CBFA2T2: variants seen among roughly 807,000 people sequenced by gnomAD.
CBFA2T2 encodes the protein protein CBFA2T2.
Under a neutral mutation model 62.2 loss-of-function variants are expected in CBFA2T2, and 11 were observed. That is an observed-to-expected ratio of 0.18 (90% CI 0.11 to 0.29). The LOEUF is 0.29. CBFA2T2 is among the 10% of genes least tolerant of loss of function. The probability of loss-of-function intolerance (pLI) is 1.00; values close to 1 mark genes in which losing one functional copy is unlikely to be tolerated. For synonymous variants in CBFA2T2, 295 were observed against 287.5 expected (o/e 1.03, Z -0.27); for missense variants, 592 against 774.1 (o/e 0.76, Z 2.79).
chr20:33,637,795 G>A (rs1034124042), intron 9 of CBFA2T2, among the ~76,000 whole-genome samples: 1 of 151,446 alleles, frequency 6.6e-6, no homozygotes, highest in Non-Finnish European at 1.5e-5. Context: ...AGCCTCCCAA[G>A]TAGCTGGGAT....
At chr20:33,505,815 G>A (rs1327853681) in intron 1 of CBFA2T2, among the ~76,000 whole-genome samples, 30 of 152,040 alleles carry the variant, frequency 2.0e-4, no homozygotes, top group Admixed American at 1.9e-3. Context: ...AAGGGGTCAG[G>A]TGTGGTGGCT....
At chr20:33,603,436 C>T (rs1280502405) in intron 1 of CBFA2T2, among the ~76,000 whole-genome samples, 3 of 152,194 alleles carry the variant, frequency 2.0e-5, no homozygotes, top group Non-Finnish European at 4.4e-5. Context: ...TTTGGAAATG[C>T]ATGCTGTCAT....
intron 4 of CBFA2T2, among the ~76,000 whole-genome samples, chr20:33,621,359 C>T (rs1273787291): frequency 4.6e-5 from 6 of 130,998 alleles, no homozygotes; most frequent in African/African-American, 1.8e-4. Flanking sequence ...AGTGCAGTGG[C>T]GCGATCTCGG....
intron 8 of CBFA2T2, among the ~76,000 whole-genome samples, chr20:33,630,138 G>C (rs1038161323): frequency 5.9e-5 from 9 of 152,132 alleles, no homozygotes; most frequent in African/African-American, 1.9e-4. Flanking sequence ...TGGATAGACA[G>C]GATCTCACTG....
chr20:33,511,427 T>G (rs1183881234), intron 1 of CBFA2T2, among the ~76,000 whole-genome samples: 1 of 152,194 alleles, frequency 6.6e-6, no homozygotes, highest in Non-Finnish European at 1.5e-5. Context: ...GTCGGGTTTG[T>G]CAAAGATCAG....
At chr20:33,635,850 C>G (rs1413546144) in intron 8 of CBFA2T2, among the ~76,000 whole-genome samples, 1 of 152,046 alleles carries the variant, frequency 6.6e-6, no homozygotes, top group Non-Finnish European at 1.5e-5. Context: ...TCACTGCACT[C>G]TAGCCTGGGT....
intron 1 of CBFA2T2, among the ~76,000 whole-genome samples, chr20:33,532,563 A>T (rs2012092959): frequency 6.6e-6 from 1 of 152,250 alleles, no homozygotes; most frequent in Non-Finnish European, 1.5e-5. Context: ...ATTTTCTGCT[A>T]AACTGTGTGT....
At chr20:33,552,429 G>A (rs914632513) in intron 1 of CBFA2T2, among the ~76,000 whole-genome samples, 27 of 152,264 alleles carry the variant, frequency 1.8e-4, no homozygotes, top group Non-Finnish European at 3.1e-4. Flanking sequence ...CTTAGTAATT[G>A]AATCAGTGAA....
intron 1 of CBFA2T2, among the ~76,000 whole-genome samples, chr20:33,536,449 G>A (rs1416017453): frequency 4.1e-5 from 6 of 146,660 alleles, no homozygotes; most frequent in Admixed American, 1.3e-4. Context: ...CCTCCCTCCC[G>A]GACGGGGCGG....
At chr20:33,579,196 C>T (rs2146911666) in intron 1 of CBFA2T2, among the ~76,000 whole-genome samples, 1 of 150,544 alleles carries the variant, frequency 6.6e-6, no homozygotes, top group African/African-American at 2.4e-5. Context: ...ACCACCATGC[C>T]TGGTCTATTC....
chr20:33,597,749 G>A (rs1354951033), intron 1 of CBFA2T2, among the ~76,000 whole-genome samples: 5 of 152,168 alleles, frequency 3.3e-5, no homozygotes, highest in African/African-American at 1.2e-4. Context: ...TCTTCGGTAG[G>A]TACATGGCCT....
rs1555826041 is a variant in CBFA2T2, at chr20:33,490,240, G to GGGCGGCGCGCGGC, written c.-19_-7dup. 7 of 1,230,696 alleles carry GGGCGGCGCGCGGC rather than the reference G, an allele frequency of 5.7e-6. No individual in the cohort carries two copies. The highest frequency in any genetic ancestry group is 1.6e-5 in the African/African-American group (1 of 63,592). The allele number at this position is 1,230,696 out of a possible 1,614,324, so 76.2% of individuals were successfully genotyped here. The stretch of plus-strand genomic sequence containing the variant: ...AGGGACCCGTGTCGCGGGTAGAGGC[G>GGGCGGCGCGCGGC]GGCGGCGCGCGGCGGCGGCGCTCGG... On this transcript the variant is annotated 5_prime_UTR_variant, in exon 1 of 11. Transcript: ENST00000342704.
At chr20:33,562,404 T>A in intron 1 of CBFA2T2, 1 of 985,964 alleles carries the variant, frequency 1.0e-6, no homozygotes, top group Non-Finnish European at 1.2e-6. Context: ...ATCTGGGGAT[T>A]CTGGCAAGGT....
At position 33,578,832 on chromosome 20, in the gene CBFA2T2, C is replaced by A. The variant is rs141214931; in HGVS notation, c.35-28124C>A. Reference sequence around the variant, plus strand: ...GCTCAGCCTTCAGGATGAAATACTGCAGGAAATCTGAAGGATGGCATAAAC... The same window carrying A: ...GCTCAGCCTTCAGGATGAAATACTGAAGGAAATCTGAAGGATGGCATAAAC... On this transcript the variant is annotated intron_variant, in intron 1 of 10. Coordinates refer to ENST00000342704, the MANE Select transcript of CBFA2T2 (RefSeq NM_001032999.3). Among the ~76,000 whole-genome samples the A allele has an allele frequency of 2.3e-3, 351 of 152,236 alleles. 2 individuals carry two copies. Among genetic ancestry groups the A allele is most frequent in the Non-Finnish European group, 3.7e-3 (249 of 68,022 alleles).
chr20:33,555,699 A>G (rs2012878205), intron 1 of CBFA2T2, among the ~76,000 whole-genome samples: 1 of 152,236 alleles, frequency 6.6e-6, no homozygotes, highest in Non-Finnish European at 1.5e-5. Context: ...AAAATGTAAT[A>G]ATGATACCAT....
At chr20:33,633,719 G>T (rs896047522) in intron 8 of CBFA2T2, among the ~76,000 whole-genome samples, 5 of 152,106 alleles carry the variant, frequency 3.3e-5, no homozygotes, top group Non-Finnish European at 7.3e-5. Context: ...TGGGTGGAGG[G>T]TGCAGAGTTA....
At chr20:33,623,540 G>A (rs537300030) in intron 5 of CBFA2T2, among the ~76,000 whole-genome samples, 12 of 151,900 alleles carry the variant, frequency 7.9e-5, no homozygotes, top group African/African-American at 2.7e-4. Context: ...TTACAGGCAC[G>A]TGCCACCATG....
chr20:33,514,641 A>G (rs1182247160), intron 1 of CBFA2T2, among the ~76,000 whole-genome samples: 1 of 151,966 alleles, frequency 6.6e-6, no homozygotes, highest in African/African-American at 2.4e-5. Context: ...TTTGAGCAGG[A>G]GGGTGACATT....
intron 1 of CBFA2T2, among the ~76,000 whole-genome samples, 180 bp downstream of exon 1, chr20:33,490,481 C>T (rs1365978436): frequency 6.6e-6 from 1 of 152,126 alleles, no homozygotes; most frequent in African/African-American, 2.4e-5. Flanking sequence ...GAGGCCACCC[C>T]GTCGCTTCCT....
Sources: allele counts gnomAD v4.1 joint callset (sites outside exome capture counted in the v4.1 genomes callset), GRCh38; gene constraint gnomAD v4.1.1; transcripts MANE v1.5; gene names NCBI Gene and HGNC (gene_info 2026-07-23, HGNC 2026-07-21).